ADGRL3: variants seen among roughly 807,000 people sequenced by gnomAD.
ADGRL3 encodes calcium-independent alpha-latrotoxin receptor 3.
In ADGRL3, 62 loss-of-function variants were observed where a neutral mutation model predicts 153.5. The observed-to-expected ratio is 0.40, with a 90% CI of 0.33 to 0.50. The LOEUF (loss-of-function observed/expected upper bound fraction) is 0.50. ADGRL3 is among the 20% of genes least tolerant of loss of function. The pLI is 0.47. For synonymous variants in ADGRL3, 710 were observed against 672.5 expected, an observed-to-expected ratio of 1.06 and a Z score of -0.86; for missense variants, 1,641 against 1,859.4, an observed-to-expected ratio of 0.88 and a Z score of 2.16.
chr4:61,255,961 A>G (rs551598436), intron 1 of ADGRL3, among the ~76,000 whole-genome samples: 1 of 152,308 alleles, frequency 6.6e-6, no homozygotes, highest in Non-Finnish European at 1.5e-5. Context: ...TGTCTGCGTC[A>G]GCCTGCAGTC....
intron 2 of ADGRL3, among the ~76,000 whole-genome samples, chr4:61,401,803 A>G (rs1484350774): frequency 6.6e-6 from 1 of 152,212 alleles, no homozygotes; most frequent in Non-Finnish European, 1.5e-5. Context: ...GTGTTTCTCT[A>G]GTAATAGGTA....
intron 2 of ADGRL3, among the ~76,000 whole-genome samples, chr4:61,412,050 G>A (rs2097093881): frequency 6.6e-6 from 1 of 152,048 alleles, no homozygotes. Flanking sequence ...TAAACTAGGT[G>A]CTATGGTTCT....
intron 4 of ADGRL3, among the ~76,000 whole-genome samples, chr4:61,534,557 T>C (rs1172785290): frequency 1.3e-5 from 2 of 152,206 alleles, no homozygotes; most frequent in Admixed American, 6.5e-5. Context: ...TAATTGACTC[T>C]TCCTATGCAT....
At chr4:62,005,967 T>TACACACACAC (rs59783179) in intron 21 of ADGRL3, among the ~76,000 whole-genome samples, 3,193 of 67,634 alleles carry the variant, frequency 0.047, 104 homozygotes, top group Middle Eastern at 0.073. Context: ...TATATACACA[T>TACACACACAC]ACACACACAC....
At chr4:61,372,138 T>G (rs1020630850) in intron 1 of ADGRL3, among the ~76,000 whole-genome samples, 21 of 152,002 alleles carry the variant, frequency 1.4e-4, no homozygotes, top group African/African-American at 4.8e-4. Context: ...CTTCTAAATT[T>G]TTTTGAAAGT....
intron 1 of ADGRL3, among the ~76,000 whole-genome samples, chr4:61,291,175 TACACACACACACACACACAC>T (rs68037459): frequency 7.4e-6 from 1 of 135,412 alleles, no homozygotes; most frequent in South Asian, 2.4e-4. Context: ...CCTGGATCAA[TACACACACACACACACACAC>T]ACACACACAC....
At chr4:61,378,842 C>T (rs2096634975) in intron 1 of ADGRL3, among the ~76,000 whole-genome samples, 1 of 151,870 alleles carries the variant, frequency 6.6e-6, no homozygotes. Context: ...TTGAGAGGGG[C>T]TTGAATGGTC....
chr4:61,332,705 T>C (rs1505678), intron 1 of ADGRL3, among the ~76,000 whole-genome samples: 110,979 of 151,980 alleles, frequency 0.73, 40,772 homozygotes, highest in East Asian at 0.97. Context: ...AATACAAGGA[T>C]GTTTGCTGGT....
At chr4:61,973,567 T>C (rs1287484311) in intron 17 of ADGRL3, among the ~76,000 whole-genome samples, 2 of 152,226 alleles carry the variant, frequency 1.3e-5, no homozygotes, top group South Asian at 4.1e-4. Context: ...CTAGAGATGA[T>C]AGATTCATTC....
intron 1 of ADGRL3, among the ~76,000 whole-genome samples, chr4:61,293,158 A>G (rs923995435): frequency 1.3e-5 from 2 of 152,254 alleles, no homozygotes; most frequent in East Asian, 3.9e-4. Context: ...AGTGGAAGAC[A>G]CCAAAGTCAA....
At chr4:61,336,385 C>G (rs552401549) in intron 1 of ADGRL3, among the ~76,000 whole-genome samples, 2 of 152,234 alleles carry the variant, frequency 1.3e-5, no homozygotes, top group South Asian at 4.1e-4. Flanking sequence ...TTGCAAATAC[C>G]TTCCCATGTT....
intron 21 of ADGRL3, among the ~76,000 whole-genome samples, chr4:62,005,333 A>C (rs565871137): frequency 6.6e-6 from 1 of 152,196 alleles, no homozygotes. Flanking sequence ...GGGTTTATGC[A>C]TAAGTGTATT....
chr4:61,750,080 T>C (rs1054471397), intron 8 of ADGRL3, among the ~76,000 whole-genome samples: 1 of 151,590 alleles, frequency 6.6e-6, no homozygotes, highest in Non-Finnish European at 1.5e-5. Context: ...TATTCTATGT[T>C]CTGTGGTTGT....
chr4:61,824,381 A>T (rs1257815549), intron 9 of ADGRL3, among the ~76,000 whole-genome samples: 1 of 152,224 alleles, frequency 6.6e-6, no homozygotes, highest in East Asian at 1.9e-4. Context: ...CATTCTAATG[A>T]TGTATTACAA....
intron 13 of ADGRL3, among the ~76,000 whole-genome samples, chr4:61,934,371 T>C (rs564210815): frequency 6.6e-5 from 10 of 152,334 alleles, no homozygotes; most frequent in East Asian, 3.9e-4. Context: ...CATCAACCTA[T>C]AAGCAACAAA....
chr4:61,292,579 A>G (rs746242461), intron 1 of ADGRL3, among the ~76,000 whole-genome samples: 1 of 152,130 alleles, frequency 6.6e-6, no homozygotes, highest in East Asian at 1.9e-4. Flanking sequence ...AAGACTGCCA[A>G]CAGTGCATAT....
At chr4:61,740,086 A>C (rs58413598) in intron 8 of ADGRL3, among the ~76,000 whole-genome samples, 13,205 of 152,264 alleles carry the variant, frequency 0.087, 1,219 homozygotes, top group African/African-American at 0.23. Flanking sequence ...AAGCATTAGC[A>C]CTTGAGTACA....
chr4:61,388,423 A>T (rs1560558918), intron 2 of ADGRL3, among the ~76,000 whole-genome samples: 1 of 152,238 alleles, frequency 6.6e-6, no homozygotes, highest in Non-Finnish European at 1.5e-5. Flanking sequence ...ACACAGGGTG[A>T]AACCAAAGTT....
intron 11 of ADGRL3, among the ~76,000 whole-genome samples, chr4:61,906,008 A>T (rs1411049168): frequency 2.0e-5 from 3 of 151,718 alleles, no homozygotes; most frequent in Non-Finnish European, 4.4e-5. Context: ...TCTTTTCATT[A>T]TAGGTAAGGA....
Sources: gnomAD v4.1 joint callset for allele counts (sites outside exome capture counted in the v4.1 genomes callset) on GRCh38, gnomAD v4.1.1 for gene constraint, MANE v1.5 for transcripts, NCBI Gene and HGNC (gene_info 2026-07-23, HGNC 2026-07-21) for gene names.